The following FHL1 variants were observed in gnomAD, a reference collection of about 807,000 sequenced individuals.
FHL1 encodes four and a half LIM domains protein 1.
Under a neutral mutation model 20.3 loss-of-function variants are expected in FHL1, and 1 was observed. The ratio of observed to expected loss-of-function variants is 0.05; its 90% CI spans 0.02 to 0.23. FHL1 has a LOEUF of 0.23. FHL1 is among the 10% of genes least tolerant of loss of function. The pLI, the probability that FHL1 is intolerant of heterozygous loss-of-function variation, is 1.00. For synonymous variants in FHL1, 82 were observed against 88.9 expected, an observed-to-expected ratio of 0.92 and a Z score of 0.44; for missense variants, 177 against 234.0, an observed-to-expected ratio of 0.76 and a Z score of 1.59.
upstream of FHL1, chrX:136,169,348 T>C: frequency 6.7e-6 from 1 of 148,398 alleles, no homozygotes; most frequent in South Asian, 1.6e-4. Context: ...GCCTGCCCGC[T>C]AGTCTGCATC....
chrX:136,189,042 T>C (rs1285083913), intron 2 of FHL1, among the ~76,000 whole-genome samples: 1 of 111,875 alleles, frequency 8.9e-6, no homozygotes. Context: ...CAACTTAAGC[T>C]CAGAGATGTG....
chrX:136,169,155 A>AAG (rs1274730274), upstream of FHL1: 4 of 113,816 alleles, frequency 3.5e-5, no homozygotes, highest in African/African-American at 1.3e-4. Context: ...TGCCCCAGCC[A>AAG]GTCCTTTCTG....
intron 2 of FHL1, among the ~76,000 whole-genome samples, chrX:136,174,450 A>G (rs1306136703): frequency 9.0e-6 from 1 of 111,668 alleles, no homozygotes; most frequent in Admixed American, 9.5e-5. Context: ...GAGATCCTGC[A>G]TTTCCAACAA....
intron 1 of FHL1, chrX:136,169,875 C>T: frequency 3.0e-6 from 1 of 330,628 alleles, no homozygotes; most frequent in Non-Finnish European, 5.9e-6. Flanking sequence ...GGTAACTTTG[C>T]CTCTTGATTC....
chrX:136,148,679 T>G (rs1359810598), intron 1 of FHL1: 1 of 111,753 alleles, frequency 8.9e-6, no homozygotes, highest in Non-Finnish European at 1.9e-5. Context: ...GCGACTGTTG[T>G]GTCGTTCGTG....
At chrX:136,202,448 C>T (rs963140654) in intron 1 of FHL1, among the ~76,000 whole-genome samples, 4 of 111,420 alleles carry the variant, frequency 3.6e-5, no homozygotes, top group Non-Finnish European at 5.7e-5. Flanking sequence ...CTGGGATGGA[C>T]GCGGTGGCTC....
chrX:136,148,348 G>T (rs1331181491), intron 1 of FHL1: 1 of 91,680 alleles, frequency 1.1e-5, no homozygotes, highest in Non-Finnish European at 2.2e-5. Context: ...TAAGGAGGGA[G>T]GGGGAGGGCC....
chrX:136,171,007 A>C (rs1187483250), intron 2 of FHL1, among the ~76,000 whole-genome samples: 1 of 112,000 alleles, frequency 8.9e-6, no homozygotes, highest in African/African-American at 3.2e-5. Flanking sequence ...ACCTAAATGT[A>C]TTAAACCTTA....
exon 1 of FHL1, chrX:136,169,719 CAG>C: frequency 6.2e-6 from 2 of 322,933 alleles, no homozygotes; most frequent in Non-Finnish European, 1.2e-5. Context: ...ATATGATAAA[CAG>C]ACATTTGGAG....
upstream of FHL1, among the ~76,000 whole-genome samples, chrX:136,194,266 T>C (rs1190009177): frequency 8.9e-6 from 1 of 112,442 alleles, no homozygotes; most frequent in Non-Finnish European, 1.9e-5. Flanking sequence ...GGACTGTATT[T>C]TATTCTTTGT....
intron 1 of FHL1, among the ~76,000 whole-genome samples, chrX:136,158,570 C>A (rs1403301077): frequency 1.8e-5 from 2 of 111,165 alleles, no homozygotes; most frequent in African/African-American, 6.5e-5. Context: ...TAAACATCTC[C>A]AGACCGAGAG....
At chrX:136,202,413 C>T (rs1035170217) in intron 1 of FHL1, among the ~76,000 whole-genome samples, 1 of 109,822 alleles carries the variant, frequency 9.1e-6, no homozygotes, top group Non-Finnish European at 1.9e-5. Context: ...CCTATTCTCT[C>T]ATTTCAAACA....
At position 136,210,851 on chromosome X, in the gene FHL1, A is replaced by G; in HGVS notation, c.*826A>G. On this transcript the variant is annotated 3_prime_UTR_variant, in exon 6 of 6. Transcript: ENST00000370683. ...GTTTTAATTGATAGCAAAATAGTTT[A>G]TGGGTTTGGAAACTTGCATGAAAAT... The G allele has an allele frequency of 2.6e-6, 1 of 385,225 alleles. No individual in the cohort carries two copies. The highest frequency in any genetic ancestry group is 4.9e-6 in the Non-Finnish European group (1 of 204,344). The allele number at this position is 385,225 out of a possible 1,213,427, so 31.7% of individuals were successfully genotyped here.
intron 2 of FHL1, among the ~76,000 whole-genome samples, chrX:136,188,495 C>T: frequency 9.0e-6 from 1 of 111,196 alleles, no homozygotes; most frequent in Admixed American, 9.6e-5. Context: ...AGGAGATTAA[C>T]TTTGGGGTTC....
chrX:136,180,136 T>C (rs1394095647), intron 2 of FHL1, among the ~76,000 whole-genome samples: 2 of 112,073 alleles, frequency 1.8e-5, no homozygotes, highest in African/African-American at 6.5e-5. Context: ...TGCAATATGC[T>C]CAGTTTTCAG....
chrX:136,206,031 C>T (rs2073830743), intron 1 of FHL1: 1 of 297,701 alleles, frequency 3.4e-6, no homozygotes, highest in South Asian at 3.9e-5. Context: ...CACAATAGCA[C>T]TGCTCAGCCA....
chrX:136,181,404 T>A (rs2073155947), intron 2 of FHL1, among the ~76,000 whole-genome samples: 1 of 112,318 alleles, frequency 8.9e-6, no homozygotes, highest in African/African-American at 3.2e-5. Flanking sequence ...ATCCTTCAGA[T>A]GGGCCTGTGT....
At chrX:136,189,192 C>A (rs1486765787) in intron 2 of FHL1, among the ~76,000 whole-genome samples, 1 of 111,953 alleles carries the variant, frequency 8.9e-6, no homozygotes, top group Non-Finnish European at 1.9e-5. Flanking sequence ...GTAGGGAAGA[C>A]CCTCTGCAGC....
Position 136,207,816 on chromosome X carries a change from G to C in FHL1, c.404G>C (p.Gly135Ala), listed in dbSNP as rs886042453. ...GGAGATCAAAACGTGGAGTACAAGGGGACCGTCTGGCACAAAGACTGCTTC... is the reference window on the plus strand; with the variant it reads ...GGAGATCAAAACGTGGAGTACAAGGCGACCGTCTGGCACAAAGACTGCTTC... ...VAGDQNVEYKGTVWHKDCFTC... is the reference protein window; with the variant it reads ...VAGDQNVEYKATVWHKDCFTC... Residue 135 changes from glycine (G) to alanine (A), a missense_variant, in exon 4 of 6, where the codon GGG becomes GCG. By Grantham distance (60) the Gly-to-Ala change is moderately conservative (BLOSUM62 0). Coordinates refer to ENST00000370683, the MANE Select transcript of FHL1 (RefSeq NM_001159699.2). 1.7e-6 allele frequency: 2 copies of C among 1,211,717 alleles called. No individual in the cohort carries two copies. The highest frequency in any genetic ancestry group is 2.2e-5 in the Admixed American group (1 of 46,028).
Sources: allele counts gnomAD v4.1 joint callset (sites outside exome capture counted in the v4.1 genomes callset), GRCh38; gene constraint gnomAD v4.1.1; transcripts MANE v1.5; gene names NCBI Gene and HGNC (gene_info 2026-07-23, HGNC 2026-07-21).